LARP4B: variants seen among roughly 807,000 people sequenced by gnomAD.
LARP4B encodes la-related protein 4B.
Under a neutral mutation model 89.8 loss-of-function variants are expected in LARP4B, and 12 were observed. That is an observed-to-expected ratio of 0.13 (90% CI 0.09 to 0.22). The LOEUF (loss-of-function observed/expected upper bound fraction) is 0.22, where lower values mean the gene tolerates loss of function less well. Ranked by LOEUF, LARP4B falls within the 10% of genes least tolerant of loss-of-function variation. The pLI, the probability that LARP4B is intolerant of heterozygous loss-of-function variation, is 1.00. For synonymous variants in LARP4B, 367 were observed against 363.3 expected (o/e 1.01, Z -0.12); for missense variants, 757 against 947.7 (o/e 0.80, Z 2.64).
intron 1 of LARP4B, among the ~76,000 whole-genome samples, chr10:911,359 A>T (rs1355139686): frequency 1.3e-5 from 2 of 152,128 alleles, no homozygotes; most frequent in Non-Finnish European, 2.9e-5. Context: ...TGGAAGGAAA[A>T]AAAAAGCCTT....
intron 1 of LARP4B, among the ~76,000 whole-genome samples, chr10:897,232 T>C (rs1588972354): frequency 6.6e-6 from 1 of 152,204 alleles, no homozygotes; most frequent in Non-Finnish European, 1.5e-5. Context: ...GTTACATTTA[T>C]AGACAACTGA....
At chr10:948,420 G>T in the LARP4B span, among the ~76,000 whole-genome samples, 1 of 151,924 alleles carries the variant, frequency 6.6e-6, no homozygotes, top group African/African-American at 2.4e-5. Context: ...CTAATTTTTG[G>T]CATTTTTAGT....
chr10:872,249 G>A (rs144794394), intron 3 of LARP4B, among the ~76,000 whole-genome samples: 1 of 152,336 alleles, frequency 6.6e-6, no homozygotes, highest in East Asian at 1.9e-4. Flanking sequence ...CACAGGCTCA[G>A]GGCAAGGCTT....
chr10:931,073 C>T (rs1830578878), intron 1 of LARP4B, among the ~76,000 whole-genome samples: 1 of 151,050 alleles, frequency 6.6e-6, no homozygotes, highest in Non-Finnish European at 1.5e-5. Flanking sequence ...GCTCCGTCGA[C>T]TCCCGCCTCG....
intron 15 of LARP4B, 126 bp downstream of exon 15, chr10:817,599 A>G: frequency 2.2e-6 from 2 of 899,654 alleles, no homozygotes; most frequent in South Asian, 1.7e-5. Context: ...CTCTGCAATC[A>G]CGTGGCCTCC....
chr10:924,080 A>T (rs1343271079), intron 1 of LARP4B, among the ~76,000 whole-genome samples: 1 of 151,882 alleles, frequency 6.6e-6, no homozygotes, highest in African/African-American at 2.4e-5. Context: ...TACAAAAAAA[A>T]ATTTTTTTTT....
intron 1 of LARP4B, among the ~76,000 whole-genome samples, chr10:922,283 T>C (rs1037727569): frequency 6.6e-6 from 1 of 152,238 alleles, no homozygotes; most frequent in African/African-American, 2.4e-5. Context: ...TCACTCACCC[T>C]GCTGCTCACC....
At chr10:969,841 A>T in the LARP4B span, among the ~76,000 whole-genome samples, 2 of 152,220 alleles carry the variant, frequency 1.3e-5, no homozygotes, top group African/African-American at 4.8e-5. Context: ...TGTCCAAAAG[A>T]GAGGACCTCA....
chr10:899,757 A>G (rs1054296673), intron 1 of LARP4B, among the ~76,000 whole-genome samples: 4 of 152,240 alleles, frequency 2.6e-5, no homozygotes, highest in Admixed American at 2.6e-4. Context: ...GAACTCCAAC[A>G]TAATTTTATT....
chr10:945,383 C>CAA, the LARP4B span, among the ~76,000 whole-genome samples: 4 of 86,146 alleles, frequency 4.6e-5, no homozygotes, highest in Non-Finnish European at 7.2e-5. Flanking sequence ...GACTCTGTCT[C>CAA]AAAAAAAAAA....
At position 829,826 on chromosome 10, in the gene LARP4B, T is replaced by C. The variant is rs1270023554; in HGVS notation, c.862-92A>G. 9.5e-6 allele frequency: 8 copies of C among 839,892 alleles called. No homozygotes were observed. In the East Asian group the frequency reaches 2.0e-4, roughly 21 times the overall value. 52.0% of individuals were successfully genotyped at this position (839,892 alleles called of 1,614,324 possible). ...ACTCAATAGCTCAAATAGGGAAATA[T>C]ATAATTAAATTATGGTGAACAGAAC... is the stretch of plus-strand genomic sequence containing the variant. On this transcript the variant is annotated intron_variant, in intron 9 of 17. Coordinates refer to ENST00000316157, the MANE Select transcript of LARP4B (RefSeq NM_015155.3).
upstream of LARP4B, among the ~76,000 whole-genome samples, chr10:933,690 C>G (rs1830713541): frequency 1.3e-5 from 2 of 152,170 alleles, no homozygotes; most frequent in East Asian, 3.8e-4. Context: ...CTGCCCTGAC[C>G]AGTAGGCCAT....
Position 812,970 on chromosome 10 carries a change from G to A in LARP4B, c.2173C>T (p.Arg725Cys), listed in dbSNP as rs1428231007. The A allele has an allele frequency of 7.0e-6, 11 of 1,572,304 alleles. No homozygotes were observed. Among genetic ancestry groups the A allele is most frequent in the Admixed American group, 6.3e-5 (3 of 47,554 alleles). Residue 725 changes from arginine (R) to cysteine (C), a missense_variant, in exon 18 of 18, where the codon CGT (arginine) becomes TGT (cysteine). Around this residue, in one of 5 missense-constraint regions of LARP4B, gnomAD observed 387 missense variants for 423.6 expected, o/e 0.91. Coordinates refer to ENST00000316157, the MANE Select transcript of LARP4B (RefSeq NM_015155.3). ...GGAGTGCTCTGCTCTCGGCTGAGAC[G>A]CTTCCCCATGGCCGAGGGCGAGGGC... is the stretch of plus-strand genomic sequence containing the variant. Reference protein sequence around the residue: ...GRPSPSAMGKRLSREQSTPPK... With the variant: ...GRPSPSAMGKCLSREQSTPPK...
At chr10:957,638 T>C in the LARP4B span, among the ~76,000 whole-genome samples, 5 of 152,190 alleles carry the variant, frequency 3.3e-5, no homozygotes, top group Non-Finnish European at 7.3e-5. Flanking sequence ...TTTTGGGTTA[T>C]ATGTATCCTT....
chr10:963,138 T>A, the LARP4B span, among the ~76,000 whole-genome samples: 1 of 152,154 alleles, frequency 6.6e-6, no homozygotes, highest in Non-Finnish European at 1.5e-5. Context: ...GCACCCCACA[T>A]ACCATGGTAG....
At chr10:982,071 G>T in the LARP4B span, among the ~76,000 whole-genome samples, 1 of 146,654 alleles carries the variant, frequency 6.8e-6, no homozygotes. Flanking sequence ...TTTTTGATCT[G>T]CTACTTCTTC....
intron 5 of LARP4B, among the ~76,000 whole-genome samples, chr10:862,268 A>AC (rs559910908): frequency 7.0e-5 from 10 of 143,832 alleles, no homozygotes; most frequent in Non-Finnish European, 1.2e-4. Context: ...AAAAAAAAAA[A>AC]AAAAAAAAAA....
intron 5 of LARP4B, among the ~76,000 whole-genome samples, chr10:854,440 C>G (rs1834202576): frequency 6.6e-6 from 1 of 152,152 alleles, no homozygotes; most frequent in African/African-American, 2.4e-5. Flanking sequence ...CACAATGACT[C>G]CTTGATCCAT....
At chr10:913,736 C>T (rs1167974308) in intron 1 of LARP4B, among the ~76,000 whole-genome samples, 1 of 152,096 alleles carries the variant, frequency 6.6e-6, no homozygotes, top group African/African-American at 2.4e-5. Context: ...CAGTGAAACC[C>T]CCTCTCTACC....
Sources: allele counts gnomAD v4.1 joint callset (sites outside exome capture counted in the v4.1 genomes callset), GRCh38; gene constraint gnomAD v4.1.1; regional missense constraint gnomAD v4.1.1; transcripts MANE v1.5; gene names NCBI Gene and HGNC (gene_info 2026-07-23, HGNC 2026-07-21).